ERICH3: variants seen among roughly 807,000 people sequenced by gnomAD.
ERICH3 encodes glutamate-rich protein 3.
A neutral mutation model predicts 131.1 loss-of-function variants in ERICH3; 126 were observed. The observed-to-expected ratio is 0.96, with a 90% CI of 0.83 to 1.11. The LOEUF (loss-of-function observed/expected upper bound fraction) is 1.11. ERICH3 is among the 50% of genes most tolerant of loss of function. The pLI, the probability that ERICH3 is intolerant of heterozygous loss-of-function variation, is 0.00. For synonymous variants in ERICH3, 695 were observed against 644.6 expected, an observed-to-expected ratio of 1.08 and a Z score of -1.18; for missense variants, 2,050 against 1,810.7, an observed-to-expected ratio of 1.13 and a Z score of -2.40.
At chr1:74,616,913 C>G (rs1398472754) in intron 8 of ERICH3, among the ~76,000 whole-genome samples, 1 of 152,008 alleles carries the variant, frequency 6.6e-6, no homozygotes, top group African/African-American at 2.4e-5. Context: ...GGGAGTGTGT[C>G]CCTGCCAATA....
Position 74,573,280 on chromosome 1 carries a change from C to A in ERICH3, c.2430G>T (p.Arg810Ser), listed in dbSNP as rs41289214. The change falls in exon 14 of 15, where the codon AGG (arginine) becomes AGT (serine). Residue 810 changes from arginine (R) to serine (S), a missense_variant. By Grantham distance (110) the Arg-to-Ser change is moderately radical (BLOSUM62 -1). Coordinates refer to ENST00000326665, the MANE Select transcript of ERICH3 (RefSeq NM_001002912.5). ...EAGAVHEAPLRAWKPTAEQPE... is the reference protein window; with the variant it reads ...EAGAVHEAPLSAWKPTAEQPE... ...GCTGCTCTGCTGTTGGCTTCCACGC[C>A]CTCAAGGGAGCCTCATGAACAGCTC... The A allele has an allele frequency of 6.3e-7, 1 of 1,599,182 alleles. No individual in the cohort carries two copies. The highest frequency in any genetic ancestry group is 8.5e-7 in the Non-Finnish European group (1 of 1,173,988).
rs1298420434 is a variant in ERICH3, at chr1:74,572,071, CT to C, written c.3638del (p.Glu1213GlyfsTer4). 8 of 1,614,226 alleles carry C rather than the reference CT, an allele frequency of 5.0e-6. No homozygotes were observed. Among genetic ancestry groups the C allele is most frequent in the Non-Finnish European group, 6.8e-6 (8 of 1,180,042 alleles). On this transcript the variant is annotated frameshift_variant, in exon 14 of 15. Transcript: ENST00000326665. LOFTEE classifies it high-confidence loss of function. ...CAGCTTCAGGAGCTGCTAAGGCCCC[CT>C]CTCCATCTTGGCGGTGCCCTTCCTT... The part of the protein sequence containing the change: ...ALKEGHRQDG[E>X]GALAAPEAEP...
intron 1 of ERICH3, among the ~76,000 whole-genome samples, chr1:74,654,343 C>T (rs1201743745): frequency 6.6e-6 from 1 of 151,250 alleles, no homozygotes; most frequent in Non-Finnish European, 1.5e-5. Context: ...GTATATCCTA[C>T]TGTAGGATAT....
At chr1:74,602,203 G>A (rs561118336) in intron 10 of ERICH3, among the ~76,000 whole-genome samples, 15 of 151,924 alleles carry the variant, frequency 9.9e-5, no homozygotes, top group Non-Finnish European at 1.8e-4. Flanking sequence ...TCCCAGCATC[G>A]TATTTTGTGT....
chr1:74,574,174 T>C (rs1647011407), intron 13 of ERICH3, among the ~76,000 whole-genome samples: 2 of 151,986 alleles, frequency 1.3e-5, no homozygotes, highest in Admixed American at 1.3e-4. Context: ...TGTTTTGTTT[T>C]GTTTTGTTAG....
At chr1:74,597,591 T>C (rs1345630269) in intron 11 of ERICH3, among the ~76,000 whole-genome samples, 3 of 152,016 alleles carry the variant, frequency 2.0e-5, no homozygotes, top group African/African-American at 7.2e-5. Flanking sequence ...CATTGAAAAT[T>C]CCAATAACTG....
At chr1:74,635,814 C>A (rs1416536909) in intron 6 of ERICH3, among the ~76,000 whole-genome samples, 6 of 152,144 alleles carry the variant, frequency 3.9e-5, no homozygotes, top group African/African-American at 1.4e-4. Context: ...ACATTCTATT[C>A]TTTCTATATT....
chr1:74,599,481 T>G (rs1648015111), intron 11 of ERICH3, among the ~76,000 whole-genome samples: 2 of 151,780 alleles, frequency 1.3e-5, no homozygotes, highest in Non-Finnish European at 2.9e-5. Flanking sequence ...TGTGCTAGGT[T>G]TAATACCTGG....
intron 1 of ERICH3, among the ~76,000 whole-genome samples, chr1:74,661,201 T>G (rs1646638487): frequency 6.6e-6 from 1 of 152,096 alleles, no homozygotes; most frequent in Admixed American, 6.6e-5. Context: ...TTAAAGAGGT[T>G]GACTAAATTT....
chr1:74,602,661 C>G (rs1648195370), intron 10 of ERICH3, among the ~76,000 whole-genome samples: 1 of 151,636 alleles, frequency 6.6e-6, no homozygotes, highest in South Asian at 2.1e-4. Context: ...CATTAACTAG[C>G]CAACACAGAA....
chr1:74,656,227 A>G (rs776591343), intron 1 of ERICH3, among the ~76,000 whole-genome samples: 3 of 152,158 alleles, frequency 2.0e-5, no homozygotes, highest in Non-Finnish European at 2.9e-5. Context: ...CAACCTAGAT[A>G]GCACATCCCT....
At chr1:74,574,347 C>T (rs1422503883) in intron 13 of ERICH3, among the ~76,000 whole-genome samples, 1 of 152,042 alleles carries the variant, frequency 6.6e-6, no homozygotes, top group African/African-American at 2.4e-5. Context: ...TTCTGGTACT[C>T]ACATGGGCCT....
chr1:74,663,073 C>A (rs2100655656), intron 1 of ERICH3, among the ~76,000 whole-genome samples: 1 of 152,276 alleles, frequency 6.6e-6, no homozygotes, highest in East Asian at 1.9e-4. Context: ...CTCCAGGATG[C>A]CTTCTCCAAT....
intron 1 of ERICH3, among the ~76,000 whole-genome samples, chr1:74,662,355 A>C (rs937276917): frequency 2.0e-5 from 3 of 152,172 alleles, no homozygotes; most frequent in Non-Finnish European, 4.4e-5. Flanking sequence ...GAACTATGGG[A>C]AAGAAGATTT....
At chr1:74,605,893 T>A (rs1325706727) in intron 10 of ERICH3, among the ~76,000 whole-genome samples, 1 of 151,846 alleles carries the variant, frequency 6.6e-6, no homozygotes, top group African/African-American at 2.4e-5. Context: ...TGCCACAAAC[T>A]TTTAATTTAT....
intron 8 of ERICH3, 105 bp downstream of exon 8, chr1:74,620,629 C>A (rs1274792670): frequency 3.1e-6 from 3 of 974,868 alleles, no homozygotes; most frequent in East Asian, 5.4e-5. Context: ...CCTGGATATG[C>A]ATAATTTCAT....
chr1:74,669,699 G>A (rs1646724207), intron 1 of ERICH3, among the ~76,000 whole-genome samples: 1 of 152,206 alleles, frequency 6.6e-6, no homozygotes, highest in East Asian at 1.9e-4. Context: ...TTTGGCAGAA[G>A]TTTTAAAAAC....
intron 3 of ERICH3, among the ~76,000 whole-genome samples, chr1:74,645,639 T>C (rs949784955): frequency 1.3e-5 from 2 of 152,074 alleles, no homozygotes; most frequent in African/African-American, 4.8e-5. Flanking sequence ...ATTAATTTTA[T>C]GTTTTATTAA....
At chr1:74,575,231 C>A (rs759000546) in intron 13 of ERICH3, among the ~76,000 whole-genome samples, 4 of 152,202 alleles carry the variant, frequency 2.6e-5, no homozygotes, top group Admixed American at 6.5e-5. Context: ...CAGTCTCTTG[C>A]CAGCTATTAT....
Sources: allele counts gnomAD v4.1 joint callset (sites outside exome capture counted in the v4.1 genomes callset), GRCh38; gene constraint gnomAD v4.1.1; transcripts MANE v1.5; gene names NCBI Gene and HGNC (gene_info 2026-07-23, HGNC 2026-07-21).